Variants in CNN3 observed in about 807,000 individuals in gnomAD.
CNN3 encodes the protein calponin-3.
Under a neutral mutation model 39.0 loss-of-function variants are expected in CNN3, and 11 were observed. The ratio of observed to expected loss-of-function variants is 0.28; its 90% CI spans 0.18 to 0.47. The LOEUF is 0.47. CNN3 is among the 20% of genes least tolerant of loss of function. The pLI, the probability that CNN3 is intolerant of heterozygous loss-of-function variation, is 0.99. For missense variants in CNN3, 266 were observed against 403.4 expected, an observed-to-expected ratio of 0.66 and a Z score of 2.92; for synonymous variants, 101 against 138.3, an observed-to-expected ratio of 0.73 and a Z score of 1.89.
chr1:94,897,721 C>T lies in CNN3; in HGVS notation c.*21G>A, dbSNP rs1206253765. ...CTGAATAAAAACAAAGGACTAAATA[C>T]TGAGCTCCTTCTGTGTGGATCTAAT... On this transcript the variant is annotated 3_prime_UTR_variant, in exon 7 of 7. Transcript: ENST00000370206. The T allele has an allele frequency of 2.5e-6, 4 of 1,599,506 alleles. No individual in the cohort carries two copies. The highest frequency in any genetic ancestry group is 2.2e-5 in the East Asian group (1 of 44,732).
intron 1 of CNN3, among the ~76,000 whole-genome samples, chr1:94,911,632 G>A (rs1175204654): frequency 6.6e-6 from 1 of 152,170 alleles, no homozygotes; most frequent in African/African-American, 2.4e-5. Context: ...AGCTGGGCAT[G>A]ATGGCACACA....
chr1:94,921,542 T>A (rs1160375358), intron 1 of CNN3, among the ~76,000 whole-genome samples: 1 of 152,072 alleles, frequency 6.6e-6, no homozygotes, highest in East Asian at 1.9e-4. Flanking sequence ...GGATACACTG[T>A]TAAAGAGGGA....
At chr1:94,898,497 G>A (rs1670781584) in intron 6 of CNN3, among the ~76,000 whole-genome samples, 1 of 152,134 alleles carries the variant, frequency 6.6e-6, no homozygotes, top group Non-Finnish European at 1.5e-5. Context: ...TACATTATCT[G>A]GGTTACCAAT....
In CNN3 at chr1:94,897,696, C is replaced by T; in HGVS notation, c.*46G>A. 6.5e-7 allele frequency: 1 copy of T among 1,537,270 alleles called. No individual in the cohort carries two copies. ...TTACTCAAGGCTAGCTTGGTTCTCA[C>T]TGAATAAAAACAAAGGACTAAATAC... On this transcript the variant is annotated 3_prime_UTR_variant, in exon 7 of 7. Coordinates refer to ENST00000370206, the MANE Select transcript of CNN3 (RefSeq NM_001839.5).
In CNN3 at chr1:94,926,886, G is replaced by C; in HGVS notation, c.9C>G (p.His3Gln). The change falls in exon 1 of 7, where the codon CAC (histidine) becomes CAG (glutamine). Residue 3 changes from histidine to glutamine, a missense_variant. Transcript: ENST00000370206. This position sits in a 1 kb window ranked among gnomAD's most constrained non-coding sequence, Gnocchi z 4.2. ...GCCCATAGGAAGGGCCCTTGTTGAA[G>C]TGGGTCATGGTGGTTCGGGCGGCGG... The part of the protein sequence containing the change: MT[H>Q]FNKGPSYGLS... 1 of 1,609,084 alleles carries C rather than the reference G, an allele frequency of 6.2e-7. No individual in the cohort carries two copies. The highest frequency in any genetic ancestry group is 8.5e-7 in the Non-Finnish European group (1 of 1,177,460).
chr1:94,911,908 A>G (rs1671176600), intron 1 of CNN3, among the ~76,000 whole-genome samples: 1 of 151,786 alleles, frequency 6.6e-6, no homozygotes, highest in East Asian at 1.9e-4. Flanking sequence ...TGTTTCTACT[A>G]CAAAAAAATT....
chr1:94,899,321 A>C, intron 6 of CNN3, 50 bp downstream of exon 6: 2 of 1,542,066 alleles, frequency 1.3e-6, no homozygotes, highest in Non-Finnish European at 1.7e-6. Context: ...TCTGGTTAAT[A>C]AAAATAAGGT....
chr1:94,925,657 C>A (rs369439154), intron 1 of CNN3: 6 of 985,336 alleles, frequency 6.1e-6, no homozygotes, highest in Non-Finnish European at 6.0e-6. Flanking sequence ...CGCTTCACAC[C>A]GCCTACCCCC....
chr1:94,907,979 T>TCTGC (rs1671053937), intron 1 of CNN3, among the ~76,000 whole-genome samples: 2 of 152,264 alleles, frequency 1.3e-5, no homozygotes, highest in East Asian at 3.8e-4. Flanking sequence ...TCGCAGACTT[T>TCTGC]CTGCCTGGCT....
At chr1:94,925,661 T>C (rs1671556175) in intron 1 of CNN3, 2 of 985,474 alleles carry the variant, frequency 2.0e-6, no homozygotes, top group Non-Finnish European at 2.4e-6. Context: ...TCACACCGCC[T>C]ACCCCCGCAG....
intron 5 of CNN3, among the ~76,000 whole-genome samples, 190 bp downstream of exon 5, chr1:94,901,479 T>C (rs962773132): frequency 6.6e-6 from 1 of 151,634 alleles, no homozygotes; most frequent in African/African-American, 2.4e-5. Flanking sequence ...TCAGGTGGCA[T>C]ACCTGAGGTT....
chr1:94,901,788 A>G lies in CNN3; in HGVS notation c.385-3T>C. 6.3e-6 allele frequency: 10 copies of G among 1,597,032 alleles called. No individual in the cohort carries two copies. The highest frequency in any genetic ancestry group is 8.6e-6 in the Non-Finnish European group (10 of 1,165,112). Reference sequence around the variant, plus strand: ...GTATGGAATCCTTTTGTTTTAGCCTAGACAGAAACATGCACACTAACTGAA... The same window carrying G: ...GTATGGAATCCTTTTGTTTTAGCCTGGACAGAAACATGCACACTAACTGAA... On this transcript the variant is annotated splice_region_variant and splice_polypyrimidine_tract_variant and intron_variant, in intron 4 of 6. Transcript: ENST00000370206.
At chr1:94,905,902 A>G (rs1266532095) in intron 1 of CNN3, among the ~76,000 whole-genome samples, 1 of 152,038 alleles carries the variant, frequency 6.6e-6, no homozygotes, top group African/African-American at 2.4e-5. Context: ...TTCTTGGATA[A>G]TATATCTCCT....
At chr1:94,913,316 T>C (rs1057100297) in intron 1 of CNN3, among the ~76,000 whole-genome samples, 5 of 152,226 alleles carry the variant, frequency 3.3e-5, no homozygotes, top group Non-Finnish European at 7.3e-5. Flanking sequence ...ATGGAGTTCA[T>C]GTGAGCCATA....
intron 1 of CNN3, among the ~76,000 whole-genome samples, chr1:94,907,553 T>G (rs75985918): frequency 0.097 from 14,828 of 152,244 alleles, 1,321 homozygotes; most frequent in East Asian, 0.4. Flanking sequence ...AATTTCACTC[T>G]AATTTACTTA....
chr1:94,924,025 G>A (rs1233224752), intron 1 of CNN3: 1 of 152,178 alleles, frequency 6.6e-6, no homozygotes, highest in Non-Finnish European at 1.5e-5. Context: ...GTCTCCCCAG[G>A]ATGTTTCTAT....
At chr1:94,912,664 A>C (rs1217361025) in intron 1 of CNN3, among the ~76,000 whole-genome samples, 2 of 152,170 alleles carry the variant, frequency 1.3e-5, no homozygotes, top group Non-Finnish European at 2.9e-5. Context: ...CACTCAATCC[A>C]TGATTTTTCA....
Position 94,918,499 on chromosome 1 carries a change from AAATAAAAT to A in CNN3, c.57+8331_57+8338del, listed in dbSNP as rs1311146277. 3.1e-3 allele frequency among the ~76,000 whole-genome samples: 192 copies of A among 60,988 alleles called. 7 individuals carry two copies. The highest frequency in any genetic ancestry group is 8.2e-3 in the African/African-American group (184 of 22,518). The allele number at this position is 60,988 out of a possible 152,430, so 40.0% of individuals were successfully genotyped here. ...ACAAAGTGAGACTGTCTCCCAAAAA[AAATAAAAT>A]AAAAAAAAAAAAAGTCGGCAAGGGG... On this transcript the variant is annotated intron_variant, in intron 1 of 6. Transcript: ENST00000370206.
chr1:94,925,945 AG>A (rs550173684), intron 1 of CNN3: 73 of 452,764 alleles, frequency 1.6e-4, no homozygotes, highest in Admixed American at 1.9e-4. Flanking sequence ...GGATTTGGGG[AG>A]GGGGACGCCT....
Sources: allele counts gnomAD v4.1 joint callset (sites outside exome capture counted in the v4.1 genomes callset), GRCh38; gene constraint gnomAD v4.1.1; non-coding constraint Gnocchi (gnomAD v3.1); transcripts MANE v1.5; gene names NCBI Gene and HGNC (gene_info 2026-07-23, HGNC 2026-07-21).